Variants in NDUFS1 observed in about 807,000 individuals in gnomAD.
NDUFS1 encodes NADH:ubiquinone oxidoreductase core subunit S1, also known as NADH-ubiquinone oxidoreductase 75 kDa subunit, mitochondrial.
Under a neutral mutation model 84.4 loss-of-function variants are expected in NDUFS1, and 61 were observed. The observed-to-expected ratio is 0.72, with a 90% CI of 0.59 to 0.89. NDUFS1 has a LOEUF of 0.89. Ranked by LOEUF, NDUFS1 falls within the 40% of genes least tolerant of loss-of-function variation. The probability of loss-of-function intolerance (pLI) is 0.00; values close to 1 mark genes in which losing one functional copy is unlikely to be tolerated. For missense variants in NDUFS1, 891 were observed against 890.0 expected (o/e 1.00, Z -0.01); for synonymous variants, 275 against 290.0 (o/e 0.95, Z 0.53).
intron 1 of NDUFS1, among the ~76,000 whole-genome samples, chr2:206,157,654 T>C (rs1207377551): frequency 6.6e-6 from 1 of 152,248 alleles, no homozygotes; most frequent in Non-Finnish European, 1.5e-5. Context: ...TCACTTTGGA[T>C]AGGAAATCAA....
At chr2:206,148,635 A>G (rs1449520868) in intron 5 of NDUFS1, among the ~76,000 whole-genome samples, 1 of 152,194 alleles carries the variant, frequency 6.6e-6, no homozygotes, top group East Asian at 1.9e-4. Flanking sequence ...AAAATAAAGA[A>G]AATTGTAACT....
At chr2:206,138,680 C>T in intron 12 of NDUFS1, 66 bp from the exon 13 acceptor site, 1 of 1,469,680 alleles carries the variant, frequency 6.8e-7, no homozygotes, top group Non-Finnish European at 9.5e-7. Context: ...CTCATCAATC[C>T]TAAGTGATAC....
intron 9 of NDUFS1, among the ~76,000 whole-genome samples, chr2:206,144,336 T>C (rs1692078057): frequency 1.3e-5 from 2 of 152,186 alleles, no homozygotes; most frequent in Admixed American, 6.5e-5. Flanking sequence ...TAAAATACCA[T>C]CTGAAAGTTT....
Position 206,138,501 on chromosome 2 carries a change from C to T in NDUFS1, c.1376G>A (p.Ser459Asn). Residue 459 changes from serine to asparagine, a missense_variant, in exon 13 of 19, where the codon AGC becomes AAC. Coordinates refer to ENST00000233190, the MANE Select transcript of NDUFS1 (RefSeq NM_005006.7). ...PKILQDIASG[S>N]HPFSQVLKEA... ...TGAGAGCACCTGGCTAAATGGATGG[C>T]TTCCCGAAGCAATGTCTTGAAGAAT... 6.2e-7 allele frequency: 1 copy of T among 1,614,062 alleles called. No homozygotes were observed. Among genetic ancestry groups the T allele is most frequent in the Non-Finnish European group, 8.5e-7 (1 of 1,179,952 alleles).
At chr2:206,158,971 A>T in intron 1 of NDUFS1, 1 of 1,006,386 alleles carries the variant, frequency 9.9e-7, no homozygotes, top group African/African-American at 1.6e-5. Flanking sequence ...CTGGGGGGAA[A>T]GGCTTAGTCT....
At position 206,121,612 on chromosome 2, in the gene NDUFS1, C is replaced by G. The variant is rs1224408325; in HGVS notation, c.*2573G>C. 5 of 152,250 alleles carry G rather than the reference C, an allele frequency of 3.3e-5. No homozygotes were observed. The East Asian group carries it at 9.7e-4, about 29-fold the overall frequency. 9.4% of individuals were successfully genotyped at this position (152,250 alleles called of 1,614,324 possible). On this transcript the variant is annotated 3_prime_UTR_variant, in exon 19 of 19. Transcript: ENST00000233190. ...GGATTACAGCCATGTGCCACCATGCCTGGCTAATTTTTGTATTTTTAGTAG... is the reference window on the plus strand; with the variant it reads ...GGATTACAGCCATGTGCCACCATGCGTGGCTAATTTTTGTATTTTTAGTAG...
rs1690942290 is a variant in NDUFS1, at chr2:206,116,368, A to G, written c.*7817T>C. On this transcript the variant is annotated 3_prime_UTR_variant, in exon 19 of 19. Coordinates refer to ENST00000233190, the MANE Select transcript of NDUFS1 (RefSeq NM_005006.7). ...GTTTGTTCAATTTTGTCCCAACTTC[A>G]GGCAGATTACAGTAACCAGACGGCG... The G allele has an allele frequency of 1.2e-6, 1 of 839,816 alleles. No individual in the cohort carries two copies. The highest frequency in any genetic ancestry group is 1.4e-5 in the South Asian group (1 of 73,824). 52.0% of individuals were successfully genotyped at this position (839,816 alleles called of 1,614,324 possible).
chr2:206,139,039 C>A (rs1284263029), intron 12 of NDUFS1, among the ~76,000 whole-genome samples: 3 of 151,718 alleles, frequency 2.0e-5, no homozygotes, highest in Non-Finnish European at 4.4e-5. Context: ...TCGCTTGAAC[C>A]CAGGAGGTAG....
intron 15 of NDUFS1, among the ~76,000 whole-genome samples, chr2:206,129,190 G>C (rs1191029050): frequency 1.3e-5 from 2 of 152,162 alleles, no homozygotes; most frequent in Admixed American, 1.3e-4. Context: ...AAGATGTTAT[G>C]AAGTACGCAT....
intron 8 of NDUFS1, among the ~76,000 whole-genome samples, chr2:206,146,278 G>A (rs980891227): frequency 6.6e-6 from 1 of 152,186 alleles, no homozygotes; most frequent in East Asian, 1.9e-4. Context: ...TGAAGGGGAT[G>A]TATGACAACC....
rs1329053828 is a variant in NDUFS1, at chr2:206,133,120, AAAC to A, written c.1393-18_1393-16del. ...TCCTTTAGGACCTATTTAAAAAAAA[AAAC>A]AACTTTGATTTTAAAATATTACAAG... On this transcript the variant is annotated splice_polypyrimidine_tract_variant and intron_variant, in intron 13 of 18. Transcript: ENST00000233190. The A allele has an allele frequency of 2.5e-6, 4 of 1,590,792 alleles. No homozygotes were observed. The South Asian group carries it at 3.4e-5, about 14-fold the overall frequency.
At chr2:206,139,125 A>C (rs1190752038) in intron 12 of NDUFS1, among the ~76,000 whole-genome samples, 2 of 151,386 alleles carry the variant, frequency 1.3e-5, no homozygotes, top group African/African-American at 4.9e-5. Flanking sequence ...TCAAAATAAA[A>C]AATTTAAAAA....
intron 9 of NDUFS1, 147 bp from the exon 10 acceptor site, chr2:206,144,279 A>G (rs1300377580): frequency 9.3e-6 from 6 of 644,834 alleles, no homozygotes; most frequent in Middle Eastern, 3.7e-4. Context: ...ATTATTCCAG[A>G]TATTTTTAGA....
chr2:206,134,912 G>A (rs905685612), intron 13 of NDUFS1, among the ~76,000 whole-genome samples: 1 of 152,134 alleles, frequency 6.6e-6, no homozygotes, highest in East Asian at 1.9e-4. Flanking sequence ...AGGAGTTTGA[G>A]GCTACAGTCA....
rs1259847425 is a variant in NDUFS1 at position 206,119,637 on chromosome 2, ACTC to A, written c.*4545_*4547del. ...CATGTCGGACAGGCTGGTCTCGAAA[ACTC>A]CTGACCTCAGGTGATCCGCCTGCCT... is the stretch of plus-strand genomic sequence containing the variant. On this transcript the variant is annotated 3_prime_UTR_variant, in exon 19 of 19. Coordinates refer to ENST00000233190, the MANE Select transcript of NDUFS1 (RefSeq NM_005006.7). 2 of 151,586 alleles carry A rather than the reference ACTC, an allele frequency of 1.3e-5. No individual in the cohort carries two copies. The highest frequency in any genetic ancestry group is 4.8e-5 in the African/African-American group (2 of 41,246). The allele number at this position is 151,586 out of a possible 1,614,324, so 9.4% of individuals were successfully genotyped here.
intron 15 of NDUFS1, 107 bp downstream of exon 15, chr2:206,129,981 A>C: frequency 1.4e-6 from 2 of 1,432,542 alleles, no homozygotes; most frequent in South Asian, 2.4e-5. Context: ...GGGGAGGCAA[A>C]ATTCTCAAAT....
In NDUFS1 at chr2:206,142,798, T is replaced by G; in HGVS notation, c.1021A>C (p.Ile341Leu). The G allele has an allele frequency of 6.2e-7, 1 of 1,614,188 alleles. No homozygotes were observed. Among genetic ancestry groups the G allele is most frequent in the South Asian group, 1.1e-5 (1 of 91,080 alleles). Residue 341 changes from isoleucine to leucine, a missense_variant, in exon 11 of 19, where the codon ATT (isoleucine) becomes CTT (leucine). Physicochemically the swap from Ile to Leu is conservative, Grantham distance 5. Coordinates refer to ENST00000233190, the MANE Select transcript of NDUFS1 (RefSeq NM_005006.7). ...TCAGCATCCACCAAGCCACCTGCAA[T>G]TGCTGCCACATCTTTGCCTTGAAAA... ...QSFQGKDVAA[I>L]AGGLVDAEAL...
rs373370557 is a variant in NDUFS1, at chr2:206,144,089, T to C, written c.916A>G (p.Met306Val). The part of the protein sequence containing the change: ...GLKRQRLTEP[M>V]VRNEKGLLTY... The stretch of plus-strand genomic sequence containing the variant: ...AAAAGCCCTTTTTCATTTCTGACCA[T>C]TGGCTCGGTAAGTCTTTGACGTTTT... The change falls in exon 10 of 19, where the codon ATG becomes GTG. Residue 306 changes from methionine to valine, a missense_variant. Physicochemically the swap from Met to Val is conservative, Grantham distance 21 (BLOSUM62 1). Coordinates refer to ENST00000233190, the MANE Select transcript of NDUFS1 (RefSeq NM_005006.7). The C allele has an allele frequency of 5.0e-6, 8 of 1,614,014 alleles. No individual in the cohort carries two copies. The African/African-American group carries it at 8.0e-5, about 16-fold the overall frequency.
chr2:206,141,930 C>CTATT lies in NDUFS1; in HGVS notation c.1262+7_1262+10dup, dbSNP rs1691976562. 1 of 1,607,098 alleles carries CTATT rather than the reference C, an allele frequency of 6.2e-7. No homozygotes were observed. The highest frequency in any genetic ancestry group is 1.3e-5 in the African/African-American group (1 of 74,608). Reference sequence around the variant, plus strand: ...AATATTTTTAAACCTTGAATAAATACTATTACCAACCTCTTTCGAATTCTA... The same window carrying CTATT: ...AATATTTTTAAACCTTGAATAAATACTATTTATTACCAACCTCTTTCGAATTCTA... On this transcript the variant is annotated intron_variant, in intron 12 of 18. Transcript: ENST00000233190.
Sources: gnomAD v4.1 joint callset for allele counts (sites outside exome capture counted in the v4.1 genomes callset) on GRCh38, gnomAD v4.1.1 for gene constraint, MANE v1.5 for transcripts, NCBI Gene and HGNC (gene_info 2026-07-23, HGNC 2026-07-21) for gene names.